CUX1: variants seen among roughly 807,000 people sequenced by gnomAD.
CUX1 encodes protein CASP.
A neutral mutation model predicts 158.8 loss-of-function variants in CUX1; 31 were observed. That is an observed-to-expected ratio of 0.20 (90% CI 0.15 to 0.26). The LOEUF (loss-of-function observed/expected upper bound fraction) is 0.26, where lower values mean the gene tolerates loss of function less well. CUX1 is among the 10% of genes least tolerant of loss of function. The pLI is 1.00. For missense variants in CUX1, 1,589 were observed against 2,014.6 expected (o/e 0.79, Z 4.04); for synonymous variants, 879 against 862.1 (o/e 1.02, Z -0.34).
At chr7:102,216,670 C>G (rs1188313520) in intron 20 of CUX1, among the ~76,000 whole-genome samples, 1 of 31,208 alleles carries the variant, frequency 3.2e-5, no homozygotes, top group Admixed American at 4.4e-4. Context: ...CACACACACT[C>G]ACACACACAC....
At chr7:101,919,871 C>CT (rs1483103262) in intron 2 of CUX1, among the ~76,000 whole-genome samples, 2 of 152,146 alleles carry the variant, frequency 1.3e-5, no homozygotes, top group Non-Finnish European at 2.9e-5. Context: ...GGCTGGGACT[C>CT]TGACAGGCGG....
chr7:101,931,104 G>GCTGAGAGC (rs1328627022), intron 2 of CUX1, among the ~76,000 whole-genome samples: 16 of 152,146 alleles, frequency 1.1e-4, no homozygotes, highest in Admixed American at 9.2e-4. Flanking sequence ...GTTCTGTGTG[G>GCTGAGAGC]CTGAGAGCCA....
chr7:102,198,246 T>TGA (rs1554518917), intron 15 of CUX1, among the ~76,000 whole-genome samples: 2 of 151,980 alleles, frequency 1.3e-5, no homozygotes, highest in African/African-American at 4.8e-5. Context: ...GGCAACAGAG[T>TGA]GAGAACCTGC....
intron 2 of CUX1, among the ~76,000 whole-genome samples, chr7:101,995,405 C>T (rs1289467844): frequency 6.6e-6 from 1 of 152,194 alleles, no homozygotes; most frequent in African/African-American, 2.4e-5. Context: ...TCTATCCCTC[C>T]TTCTTATAAA....
At chr7:102,132,328 C>CGCACG (rs1379227055) in intron 8 of CUX1, among the ~76,000 whole-genome samples, 2 of 1,362 alleles carry the variant, frequency 1.5e-3, no homozygotes, top group African/African-American at 2.6e-3. Flanking sequence ...CGCGCGCACG[C>CGCACG]CACGCACACA....
intron 3 of CUX1, among the ~76,000 whole-genome samples, chr7:102,057,420 A>G (rs1824292390): frequency 6.6e-6 from 1 of 152,198 alleles, no homozygotes; most frequent in South Asian, 2.1e-4. Flanking sequence ...CCTCTGATAG[A>G]TCTAGGCAAA....
At chr7:102,088,278 G>A (rs140380280) in intron 4 of CUX1, among the ~76,000 whole-genome samples, 2,962 of 152,270 alleles carry the variant, frequency 0.019, 89 homozygotes, top group African/African-American at 0.067. Flanking sequence ...GATTACAAGC[G>A]TGAGCCACCG....
Position 102,239,293 on chromosome 7 carries a change from C to G in CUX1, c.3623-27C>G, listed in dbSNP as rs782269198. 3.2e-6 allele frequency: 5 copies of G among 1,586,956 alleles called. No individual in the cohort carries two copies. The South Asian group carries it at 5.6e-5, about 18-fold the overall frequency. On this transcript the variant is annotated intron_variant, in intron 22 of 23. Transcript: ENST00000292535. ...GGCTGCTGTCCCAGCTGGGCCTGAC[C>G]TTAGTCTGCCATCTCTTCCTCCGCA... is the stretch of plus-strand genomic sequence containing the variant.
At chr7:102,064,758 T>C (rs913385729) in intron 3 of CUX1, among the ~76,000 whole-genome samples, 2 of 152,048 alleles carry the variant, frequency 1.3e-5, no homozygotes, top group Admixed American at 1.3e-4. Flanking sequence ...CAGTGACTCG[T>C]CCAGGCCCTG....
chr7:101,955,260 C>G (rs754157110), intron 2 of CUX1, among the ~76,000 whole-genome samples: 3 of 152,086 alleles, frequency 2.0e-5, no homozygotes, highest in African/African-American at 7.2e-5. Context: ...CCTGTTGGAC[C>G]ATTGCTGTGA....
At chr7:102,060,911 CTTT>C (rs1039443388) in intron 3 of CUX1, among the ~76,000 whole-genome samples, 9 of 79,488 alleles carry the variant, frequency 1.1e-4, no homozygotes, top group South Asian at 4.1e-4. Context: ...CGCGCCTGGC[CTTT>C]TTTTTTTTTT....
chr7:102,064,482 C>G (rs1346041541), intron 3 of CUX1, among the ~76,000 whole-genome samples: 21 of 151,902 alleles, frequency 1.4e-4, no homozygotes, highest in Admixed American at 1.4e-3. Flanking sequence ...TTTGCTCATT[C>G]ACAGATCCCT....
chr7:102,022,319 G>A (rs1039573343), intron 2 of CUX1, among the ~76,000 whole-genome samples: 2 of 152,024 alleles, frequency 1.3e-5, no homozygotes, highest in South Asian at 2.1e-4. Context: ...CAGCAGTTTC[G>A]AGAATAATGG....
At chr7:102,057,117 G>C (rs1232535930) in intron 3 of CUX1, among the ~76,000 whole-genome samples, 1 of 143,870 alleles carries the variant, frequency 7.0e-6, no homozygotes, top group Non-Finnish European at 1.5e-5. Context: ...TAGCCAGGAT[G>C]GTCTCGATCT....
chr7:102,273,454 C>T (rs781967654), exon 15 of CUX1: 32 of 1,613,522 alleles, frequency 2.0e-5, no homozygotes, highest in Non-Finnish European at 2.6e-5. Flanking sequence ...TGGAGCAGGA[C>T]CTGAGCATCA....
chr7:102,283,322 G>T (rs75580662), exon 23 of CUX1: 1 of 555,750 alleles, frequency 1.8e-6, no homozygotes, highest in East Asian at 3.0e-5. Flanking sequence ...AGGCTAAGCC[G>T]CAGAGACCCT....
intron 11 of CUX1, among the ~76,000 whole-genome samples, chr7:102,187,676 T>A (rs552357495): frequency 0.01 from 444 of 43,622 alleles, 1 homozygote; most frequent in Non-Finnish European, 0.011. Flanking sequence ...TTTTTTGTAT[T>A]TTTTTTTTTT....
At chr7:101,888,280 G>A (rs939463345) in intron 1 of CUX1, among the ~76,000 whole-genome samples, 4 of 152,014 alleles carry the variant, frequency 2.6e-5, no homozygotes, top group African/African-American at 4.8e-5. Flanking sequence ...GTAGTGAGCC[G>A]AGATCGTGCC....
At position 101,823,351 on chromosome 7, in the gene CUX1, G is replaced by A. The variant is rs750015155; in HGVS notation, c.30+5682G>A. On this transcript the variant is annotated intron_variant, in intron 1 of 23. Transcript: ENST00000292535. ...CCAGCAACTCAAGAACTAGCCAGCCGGGAGTTTCCTAGTAAGTGAAACTGA... is the reference window on the plus strand; with the variant it reads ...CCAGCAACTCAAGAACTAGCCAGCCAGGAGTTTCCTAGTAAGTGAAACTGA... Among the ~76,000 whole-genome samples, 15 of 152,322 alleles carry A rather than the reference G, an allele frequency of 9.8e-5. No individual in the cohort carries two copies. In the South Asian group the frequency reaches 2.5e-3, roughly 25 times the overall value.
Sources: gnomAD v4.1 joint callset for allele counts (sites outside exome capture counted in the v4.1 genomes callset) on GRCh38, gnomAD v4.1.1 for gene constraint, MANE v1.5 for transcripts, NCBI Gene and HGNC (gene_info 2026-07-23, HGNC 2026-07-21) for gene names.